The following FER1L6 variants were observed in gnomAD, a reference collection of about 807,000 sequenced individuals.
The protein encoded by FER1L6 is fer-1-like protein 6.
In FER1L6, 177 loss-of-function variants were observed where a neutral mutation model predicts 219.2. The ratio of observed to expected loss-of-function variants is 0.81; its 90% CI spans 0.71 to 0.91. The LOEUF (loss-of-function observed/expected upper bound fraction) is 0.91, where lower values mean the gene tolerates loss of function less well. Ranked by LOEUF, FER1L6 falls within the 40% of genes least tolerant of loss-of-function variation. The pLI is 0.00. For synonymous variants in FER1L6, 768 were observed against 824.3 expected, an observed-to-expected ratio of 0.93 and a Z score of 1.17; for missense variants, 2,153 against 2,259.9, an observed-to-expected ratio of 0.95 and a Z score of 0.96.
Position 124,094,942 on chromosome 8 carries a change from C to T in FER1L6, c.4599C>T (p.His1533=), listed in dbSNP as rs1395276575. 1 of 1,614,120 alleles carries T rather than the reference C, an allele frequency of 6.2e-7. No homozygotes were observed. Among genetic ancestry groups the T allele is most frequent in the South Asian group, 1.1e-5 (1 of 91,084 alleles). The part of the protein sequence containing the change: ...SYEHLALKVL[H]SWEDIPEVGC... ...AACACCTGGCCCTCAAGGTTTTACA[C>T]TCTTGGGAGGATATCCCGGAAGTCG... The change falls in exon 35 of 41, where the codon CAC becomes CAT. Residue 1533 remains histidine, a synonymous_variant. Coordinates refer to ENST00000522917, the MANE Select transcript of FER1L6 (RefSeq NM_001039112.2).
intron 2 of FER1L6, among the ~76,000 whole-genome samples, chr8:123,961,875 G>GTTT: frequency 6.9e-6 from 1 of 143,992 alleles, no homozygotes; most frequent in African/African-American, 2.5e-5. Flanking sequence ...TTGTTTGTTT[G>GTTT]TTTTCTTTTT....
intron 12 of FER1L6, among the ~76,000 whole-genome samples, chr8:123,992,536 G>T: frequency 6.6e-6 from 1 of 151,964 alleles, no homozygotes; most frequent in African/African-American, 2.4e-5. Context: ...TATTTTTGTT[G>T]TATCAGTGGT....
intron 1 of FER1L6, among the ~76,000 whole-genome samples, chr8:123,951,456 A>G (rs1438664189): frequency 6.6e-6 from 1 of 152,198 alleles, no homozygotes; most frequent in African/African-American, 2.4e-5. Context: ...AACAATTTCT[A>G]TTGAATTCTG....
At chr8:123,924,233 C>T (rs1420626608) in intron 1 of FER1L6, among the ~76,000 whole-genome samples, 1 of 66,960 alleles carries the variant, frequency 1.5e-5, no homozygotes, top group Non-Finnish European at 3.0e-5. Context: ...GACTCAGTAT[C>T]AAAAAAAAAA....
At chr8:124,092,513 G>C (rs1822077984) in intron 34 of FER1L6, among the ~76,000 whole-genome samples, 1 of 152,078 alleles carries the variant, frequency 6.6e-6, no homozygotes, top group Admixed American at 6.5e-5. Flanking sequence ...AACATCCTGG[G>C]ACATAACACA....
intron 1 of FER1L6, among the ~76,000 whole-genome samples, chr8:123,916,085 T>A (rs1813181217): frequency 6.6e-6 from 1 of 152,228 alleles, no homozygotes; most frequent in Non-Finnish European, 1.5e-5. Context: ...CTGCCTGTCC[T>A]GAAAGAGGAC....
intron 10 of FER1L6, among the ~76,000 whole-genome samples, chr8:123,980,039 C>A (rs1816252071): frequency 6.6e-6 from 1 of 152,190 alleles, no homozygotes; most frequent in Admixed American, 6.5e-5. Context: ...CAGCCTGTTA[C>A]TTTTTCTTGC....
chr8:123,931,675 T>G (rs1201856398), intron 1 of FER1L6, among the ~76,000 whole-genome samples: 1 of 152,222 alleles, frequency 6.6e-6, no homozygotes, highest in Non-Finnish European at 1.5e-5. Flanking sequence ...AGCAGTTTTC[T>G]TCCATCCCCA....
intron 1 of FER1L6, among the ~76,000 whole-genome samples, chr8:123,865,289 G>A (rs1313305234): frequency 6.7e-6 from 1 of 150,118 alleles, no homozygotes; most frequent in African/African-American, 2.5e-5. Context: ...CAGTTAGGCT[G>A]CTCAGGGGTC....
intron 37 of FER1L6, among the ~76,000 whole-genome samples, chr8:124,098,763 G>A (rs767093002): frequency 2.0e-5 from 3 of 152,072 alleles, no homozygotes; most frequent in African/African-American, 4.8e-5. Context: ...GGGAGAGTTC[G>A]GGTTGAGACT....
At chr8:123,856,258 GTA>G (rs1491270086) in intron 1 of FER1L6, among the ~76,000 whole-genome samples, 1 of 122,242 alleles carries the variant, frequency 8.2e-6, no homozygotes, top group African/African-American at 3.1e-5. Context: ...TGAGATATAT[GTA>G]TATATGTGTA....
chr8:123,956,534 A>G (rs1431764676), intron 2 of FER1L6, among the ~76,000 whole-genome samples: 1 of 152,232 alleles, frequency 6.6e-6, no homozygotes, highest in Non-Finnish European at 1.5e-5. Flanking sequence ...TCATCTTCGC[A>G]GTAGGTATTG....
intron 1 of FER1L6, among the ~76,000 whole-genome samples, chr8:123,936,890 G>A (rs547150464): frequency 6.5e-4 from 99 of 152,230 alleles, no homozygotes; most frequent in Admixed American, 1.4e-3. Flanking sequence ...CCTCATACAA[G>A]GGTCTTAACT....
chr8:123,989,831 A>G (rs1816764906), intron 12 of FER1L6, among the ~76,000 whole-genome samples: 1 of 152,230 alleles, frequency 6.6e-6, no homozygotes, highest in African/African-American at 2.4e-5. Flanking sequence ...CATTAAGGTT[A>G]GTTCCATATC....
chr8:123,867,668 TA>T (rs1816858690), intron 1 of FER1L6, among the ~76,000 whole-genome samples: 1 of 152,252 alleles, frequency 6.6e-6, no homozygotes, highest in African/African-American at 2.4e-5. Flanking sequence ...ATGCTCAGAA[TA>T]GTAGCTGGTA....
chr8:124,030,230 C>A (rs150634955), intron 18 of FER1L6, among the ~76,000 whole-genome samples: 1 of 152,180 alleles, frequency 6.6e-6, no homozygotes. Context: ...TAGGAAACTT[C>A]TCTTCCTGGA....
chr8:123,962,777 G>T (rs1815351252), intron 2 of FER1L6, among the ~76,000 whole-genome samples: 3 of 152,100 alleles, frequency 2.0e-5, no homozygotes, highest in Admixed American at 2.0e-4. Context: ...ACAGGTGTCT[G>T]CCACCATGCC....
chr8:123,949,585 G>A (rs370844235), intron 1 of FER1L6, among the ~76,000 whole-genome samples: 3 of 152,166 alleles, frequency 2.0e-5, no homozygotes, highest in East Asian at 1.9e-4. Flanking sequence ...TCAATTGGAG[G>A]AAGCTGTTTG....
chr8:123,965,524 C>T (rs567163997), intron 3 of FER1L6, among the ~76,000 whole-genome samples: 69 of 152,222 alleles, frequency 4.5e-4, no homozygotes, highest in African/African-American at 1.6e-3. Context: ...TTAGTCATTC[C>T]CTTCAATTTT....
Sources: allele counts gnomAD v4.1 joint callset (sites outside exome capture counted in the v4.1 genomes callset), GRCh38; gene constraint gnomAD v4.1.1; transcripts MANE v1.5; gene names NCBI Gene and HGNC (gene_info 2026-07-23, HGNC 2026-07-21).